PCDHA5: variants seen among roughly 807,000 people sequenced by gnomAD.
The protein encoded by PCDHA5 is protocadherin alpha-5.
PCDHA5 carries 43 observed loss-of-function variants against 61.6 expected under a neutral mutation model. That is an observed-to-expected ratio of 0.70 (90% CI 0.55 to 0.90). The LOEUF is 0.90. PCDHA5 is among the 40% of genes least tolerant of loss of function. The probability of loss-of-function intolerance (pLI) is 0.00; values close to 1 mark genes in which losing one functional copy is unlikely to be tolerated. For synonymous variants in PCDHA5, 627 were observed against 543.9 expected, an observed-to-expected ratio of 1.15 and a Z score of -2.13; for missense variants, 1,298 against 1,222.7, an observed-to-expected ratio of 1.06 and a Z score of -0.92.
At chr5:140,853,227 T>C in intron 1 of PCDHA5, 1 of 983,234 alleles carries the variant, frequency 1.0e-6, no homozygotes, top group Non-Finnish European at 1.2e-6. Context: ...GATTGGTAAT[T>C]TAGTCCTTCA....
intron 3 of PCDHA5, among the ~76,000 whole-genome samples, chr5:140,995,578 T>C (rs1554254730): frequency 1.3e-5 from 2 of 152,256 alleles, no homozygotes; most frequent in African/African-American, 4.8e-5. Flanking sequence ...AGATGAGCTA[T>C]GAGCTTTTAA....
chr5:140,967,282 G>T, intron 1 of PCDHA5: 1 of 1,613,078 alleles, frequency 6.2e-7, no homozygotes. Flanking sequence ...TAGAGAGTGC[G>T]CAGGACCCCG....
chr5:140,833,567 T>C (rs912727742), intron 1 of PCDHA5, among the ~76,000 whole-genome samples: 2 of 152,176 alleles, frequency 1.3e-5, no homozygotes, highest in Non-Finnish European at 2.9e-5. Flanking sequence ...AAATATAAAA[T>C]GATGAACTCC....
chr5:140,973,126 T>C (rs1554234908), intron 1 of PCDHA5, among the ~76,000 whole-genome samples: 1 of 152,144 alleles, frequency 6.6e-6, no homozygotes, highest in Non-Finnish European at 1.5e-5. Flanking sequence ...ATGAATTAAG[T>C]TTGCATTCAC....
At chr5:140,991,782 C>A (rs1257930918) in intron 3 of PCDHA5, among the ~76,000 whole-genome samples, 1 of 152,158 alleles carries the variant, frequency 6.6e-6, no homozygotes, top group Non-Finnish European at 1.5e-5. Flanking sequence ...AGACTCTGCC[C>A]ATTTCCCAAT....
At chr5:140,832,439 G>A (rs1771989250) in intron 1 of PCDHA5, among the ~76,000 whole-genome samples, 1 of 152,132 alleles carries the variant, frequency 6.6e-6, no homozygotes, top group Admixed American at 6.6e-5. Context: ...TAATTTTTAA[G>A]CGTGTAATTA....
At chr5:140,901,667 A>G (rs1319008143) in intron 1 of PCDHA5, among the ~76,000 whole-genome samples, 1 of 151,994 alleles carries the variant, frequency 6.6e-6, no homozygotes, top group Non-Finnish European at 1.5e-5. Context: ...TGCTCAAGAT[A>G]CCTTTAGGTA....
intron 1 of PCDHA5, chr5:140,858,828 A>G (rs546423783): frequency 8.8e-5 from 29 of 330,376 alleles, no homozygotes; most frequent in Middle Eastern, 1.8e-3. Flanking sequence ...TATTTGCATT[A>G]CCAAAAAATT....
intron 1 of PCDHA5, among the ~76,000 whole-genome samples, chr5:140,950,257 G>A (rs1255968081): frequency 6.6e-6 from 1 of 151,952 alleles, no homozygotes; most frequent in Non-Finnish European, 1.5e-5. Context: ...AAAGAGCTGA[G>A]TTTATCCATA....
intron 1 of PCDHA5, among the ~76,000 whole-genome samples, chr5:140,914,155 A>G (rs1432406316): frequency 6.6e-6 from 1 of 152,188 alleles, no homozygotes; most frequent in Admixed American, 6.5e-5. Flanking sequence ...GTTCTGTCCA[A>G]TACGGAAAGT....
At position 140,916,615 on chromosome 5, in the gene PCDHA5, T is replaced by C. The variant is rs191815089; in HGVS notation, c.2353-62334T>C. Among the ~76,000 whole-genome samples the C allele has an allele frequency of 2.6e-5, 4 of 152,270 alleles. No homozygotes were observed. In the East Asian group the frequency reaches 5.8e-4, roughly 22 times the overall value. On this transcript the variant is annotated intron_variant, in intron 1 of 3. Transcript: ENST00000529859. ...GGGCCTGGAATGCGGGCCTCATGAC[T>C]CTACTCAATGCCCTATCCTACTGTG...
chr5:140,950,662 C>T (rs1347125277), intron 1 of PCDHA5, among the ~76,000 whole-genome samples: 1 of 152,030 alleles, frequency 6.6e-6, no homozygotes, highest in East Asian at 1.9e-4. Flanking sequence ...CTGAGTTTAT[C>T]AAACATGTAC....
chr5:140,942,122 G>A (rs2093234713), intron 1 of PCDHA5, among the ~76,000 whole-genome samples: 1 of 152,064 alleles, frequency 6.6e-6, no homozygotes, highest in Non-Finnish European at 1.5e-5. Flanking sequence ...TTTATTAAAG[G>A]TGATATTTGT....
intron 1 of PCDHA5, chr5:140,968,218 A>C (rs1586280879): frequency 6.2e-7 from 1 of 1,614,012 alleles, no homozygotes. Flanking sequence ...ACAATTTGCC[A>C]GGTGTGTTGC....
At chr5:140,871,192 G>GTGTACC (rs1171954428) in intron 1 of PCDHA5, 40 of 1,613,550 alleles carry the variant, frequency 2.5e-5, no homozygotes, top group Non-Finnish European at 3.1e-5. Context: ...GGATGTCAAC[G>GTGTACC]TGTACCTGAT....
chr5:140,948,464 G>A (rs1357759863), intron 1 of PCDHA5, among the ~76,000 whole-genome samples: 1 of 151,508 alleles, frequency 6.6e-6, no homozygotes, highest in Non-Finnish European at 1.5e-5. Flanking sequence ...TTTAGGGAAA[G>A]TTTCTGATAA....
chr5:140,835,947 C>T, intron 1 of PCDHA5: 1 of 1,612,740 alleles, frequency 6.2e-7, no homozygotes, highest in Non-Finnish European at 8.5e-7. Context: ...CGCGCTGCAG[C>T]CGTTGGACCA....
At chr5:140,855,487 T>A (rs1554147815) in intron 1 of PCDHA5, among the ~76,000 whole-genome samples, 3 of 149,802 alleles carry the variant, frequency 2.0e-5, no homozygotes, top group Non-Finnish European at 1.5e-5. Flanking sequence ...GACATTAGTG[T>A]CTAAATAAAC....
At chr5:140,926,888 G>A in intron 1 of PCDHA5, 1 of 1,544,494 alleles carries the variant, frequency 6.5e-7, no homozygotes, top group Non-Finnish European at 8.7e-7. Flanking sequence ...ACGCCTAGAG[G>A]GAGGATGGTG....
Sources: allele counts gnomAD v4.1 joint callset (sites outside exome capture counted in the v4.1 genomes callset), GRCh38; gene constraint gnomAD v4.1.1; transcripts MANE v1.5; gene names NCBI Gene and HGNC (gene_info 2026-07-23, HGNC 2026-07-21).